Variants in TAMM41 observed in about 807,000 individuals in gnomAD.
The protein encoded by TAMM41 is phosphatidate cytidylyltransferase, mitochondrial.
In TAMM41, 36 loss-of-function variants were observed where a neutral mutation model predicts 44.1. The ratio of observed to expected loss-of-function variants is 0.82; its 90% CI spans 0.63 to 1.08. TAMM41 has a LOEUF of 1.08. Among genes scored for constraint, TAMM41 ranks in the 50% least tolerant of loss-of-function variants. TAMM41 has a pLI of 0.00. For synonymous variants in TAMM41, 164 were observed against 153.1 expected (o/e 1.07, Z -0.53); for missense variants, 417 against 404.3 (o/e 1.03, Z -0.27).
the TAMM41 span, among the ~76,000 whole-genome samples, chr3:11,729,538 CATTTTTTT>C: frequency 2.3e-3 from 151 of 65,514 alleles, 24 homozygotes; most frequent in African/African-American, 7.4e-3. Flanking sequence ...TTCTTTCTTT[CATTTTTTT>C]TTTTTTTTTT....
chr3:11,765,313 C>T, the TAMM41 span, among the ~76,000 whole-genome samples: 1 of 152,192 alleles, frequency 6.6e-6, no homozygotes, highest in South Asian at 2.1e-4. Context: ...ACAATCGCCA[C>T]CACTAGCTGA....
At chr3:11,776,011 A>T in the TAMM41 span, among the ~76,000 whole-genome samples, 1 of 109,818 alleles carries the variant, frequency 9.1e-6, no homozygotes, top group African/African-American at 4.2e-5. Flanking sequence ...TTTTTTAATT[A>T]ATTAATTTTT....
the TAMM41 span, among the ~76,000 whole-genome samples, chr3:11,734,878 CAAAAAAAA>C: frequency 4.1e-3 from 300 of 73,276 alleles, 2 homozygotes; most frequent in Admixed American, 0.011. Flanking sequence ...TACTAAAATA[CAAAAAAAA>C]AAAAAAAAAA....
the TAMM41 span, among the ~76,000 whole-genome samples, chr3:11,759,358 T>C: frequency 6.6e-6 from 1 of 151,864 alleles, no homozygotes; most frequent in African/African-American, 2.4e-5. Context: ...TGCCAGGCAC[T>C]GCACGAGGCC....
intron 6 of TAMM41, 130 bp from the exon 7 acceptor site, chr3:11,808,025 CT>C (rs2077970886): frequency 3.5e-6 from 5 of 1,424,026 alleles, no homozygotes; most frequent in South Asian, 3.1e-5. Context: ...TATCTCTGTC[CT>C]GCTGTCACAG....
intron 4 of TAMM41, among the ~76,000 whole-genome samples, chr3:11,818,897 CAAAA>C (rs11419189): frequency 2.1e-5 from 2 of 97,058 alleles, no homozygotes; most frequent in African/African-American, 3.2e-5. Context: ...GACTCCATCT[CAAAA>C]AAAAAAAAAA....
At chr3:11,760,106 G>A in the TAMM41 span, among the ~76,000 whole-genome samples, 1 of 152,222 alleles carries the variant, frequency 6.6e-6, no homozygotes, top group Non-Finnish European at 1.5e-5. Context: ...GCAAGTAGCT[G>A]CCCTCTCAGT....
the TAMM41 span, among the ~76,000 whole-genome samples, chr3:11,757,847 C>T: frequency 2.0e-5 from 3 of 152,328 alleles, no homozygotes; most frequent in Non-Finnish European, 2.9e-5. Flanking sequence ...TCTAATCCTG[C>T]TCCCTGAGCA....
intron 1 of TAMM41, among the ~76,000 whole-genome samples, chr3:11,844,672 T>A (rs1357997388): frequency 6.6e-6 from 1 of 152,192 alleles, no homozygotes; most frequent in Non-Finnish European, 1.5e-5. Context: ...CCGCTTTTCT[T>A]CTGGATCAAA....
intron 5 of TAMM41, among the ~76,000 whole-genome samples, chr3:11,814,058 G>C (rs1437429521): frequency 6.6e-6 from 1 of 151,642 alleles, no homozygotes; most frequent in Non-Finnish European, 1.5e-5. Context: ...TGGGCCTGTA[G>C]TCGCAGCTCC....
the TAMM41 span, among the ~76,000 whole-genome samples, chr3:11,781,787 AAAT>A: frequency 3.0e-5 from 4 of 133,426 alleles, no homozygotes; most frequent in African/African-American, 1.1e-4. Context: ...ATAATCATAC[AAAT>A]AAGAGACCCA....
chr3:11,814,093 A>C (rs2078194818), intron 5 of TAMM41, among the ~76,000 whole-genome samples: 1 of 151,918 alleles, frequency 6.6e-6, no homozygotes, highest in Non-Finnish European at 1.5e-5. Context: ...TGAGAGGATC[A>C]CTTGAGTGCA....
intron 7 of TAMM41, among the ~76,000 whole-genome samples, chr3:11,804,987 C>T (rs992108723): frequency 6.7e-5 from 10 of 148,582 alleles, no homozygotes; most frequent in Admixed American, 2.0e-4. Context: ...CGCACCACCA[C>T]GCCCAGCCCT....
the TAMM41 span, among the ~76,000 whole-genome samples, chr3:11,722,862 A>C: frequency 6.6e-6 from 1 of 152,196 alleles, no homozygotes; most frequent in Admixed American, 6.6e-5. Flanking sequence ...CCAGCTACTC[A>C]GCAGGCTGAG....
chr3:11,820,033 TCCC>T (rs1026297428), intron 4 of TAMM41, among the ~76,000 whole-genome samples: 2 of 152,116 alleles, frequency 1.3e-5, no homozygotes, highest in African/African-American at 2.4e-5. Context: ...CTCTATAATT[TCCC>T]CCCATTTCCC....
At chr3:11,742,630 A>C in the TAMM41 span, among the ~76,000 whole-genome samples, 1 of 133,988 alleles carries the variant, frequency 7.5e-6, no homozygotes, top group South Asian at 2.3e-4. Flanking sequence ...TTGCCCTGTT[A>C]TGCTGGAGGG....
chr3:11,773,818 G>A, the TAMM41 span, among the ~76,000 whole-genome samples: 14 of 152,274 alleles, frequency 9.2e-5, no homozygotes, highest in East Asian at 3.9e-4. Context: ...GGCCGGGTGC[G>A]GTGGCTCAGC....
intron 5 of TAMM41, chr3:11,811,602 G>A (rs898985486): frequency 1.3e-5 from 2 of 152,188 alleles, no homozygotes; most frequent in African/African-American, 4.8e-5. Context: ...TAACGAAAGT[G>A]AAAGCATTCA....
chr3:11,739,147 C>G, the TAMM41 span, among the ~76,000 whole-genome samples: 1 of 152,202 alleles, frequency 6.6e-6, no homozygotes, highest in African/African-American at 2.4e-5. Flanking sequence ...TGAACCCTTC[C>G]CTGATTGCTT....
Sources: gnomAD v4.1 joint callset for allele counts (sites outside exome capture counted in the v4.1 genomes callset) on GRCh38, gnomAD v4.1.1 for gene constraint, MANE v1.5 for transcripts, NCBI Gene and HGNC (gene_info 2026-07-23, HGNC 2026-07-21) for gene names.